The following DMD variants were observed in gnomAD, a reference collection of about 807,000 sequenced individuals.
DMD encodes the protein dystrophin, also known as mutant dystrophin.
DMD carries 63 observed loss-of-function variants against 330.1 expected under a neutral mutation model. That is an observed-to-expected ratio of 0.19 (90% CI 0.16 to 0.24). The LOEUF (loss-of-function observed/expected upper bound fraction) is 0.24, where lower values mean the gene tolerates loss of function less well. Among genes scored for constraint, DMD ranks in the 10% least tolerant of loss-of-function variants. The probability of loss-of-function intolerance (pLI) is 1.00; values close to 1 mark genes in which losing one functional copy is unlikely to be tolerated. For synonymous variants in DMD, 1,223 were observed against 959.8 expected (o/e 1.27, Z -5.07); for missense variants, 3,344 against 2,684.1 (o/e 1.25, Z -5.43).
At chrX:31,314,744 G>C (rs12556871) in intron 62 of DMD, among the ~76,000 whole-genome samples, 27 of 52,004 alleles carry the variant, frequency 5.2e-4, no homozygotes, top group East Asian at 1.7e-3. Context: ...TACATACACA[G>C]AGAGAGAGAG....
intron 29 of DMD, among the ~76,000 whole-genome samples, chrX:32,429,295 C>G (rs765364587): frequency 2.0e-5 from 2 of 97,783 alleles, no homozygotes; most frequent in Admixed American, 2.2e-4. Context: ...CTGCAACTTC[C>G]GTTCCCTGGG....
At chrX:32,979,947 C>A (rs1042167655) in intron 2 of DMD, among the ~76,000 whole-genome samples, 14 of 111,385 alleles carry the variant, frequency 1.3e-4, no homozygotes, top group Non-Finnish European at 2.5e-4. Context: ...AAAGAGATAG[C>A]TGTTAAAAGG....
At chrX:33,127,940 G>T in intron 1 of DMD, 2 of 801,882 alleles carry the variant, frequency 2.5e-6, no homozygotes, top group Non-Finnish European at 3.4e-6. Flanking sequence ...TAGGTTATTG[G>T]TGTCAAACCC....
intron 45 of DMD, among the ~76,000 whole-genome samples, chrX:31,963,751 T>G (rs2095327147): frequency 9.2e-6 from 1 of 109,019 alleles, no homozygotes; most frequent in East Asian, 2.9e-4. Flanking sequence ...AATAAAAATT[T>G]ATGAGTCCAT....
At chrX:33,125,288 G>T (rs775251703) in intron 1 of DMD, among the ~76,000 whole-genome samples, 14 of 110,945 alleles carry the variant, frequency 1.3e-4, no homozygotes, top group Admixed American at 1.3e-3. Flanking sequence ...TGTCATCAAA[G>T]CTCTGATTAT....
chrX:32,834,082 A>G (rs1054538786), intron 4 of DMD, among the ~76,000 whole-genome samples: 4 of 111,699 alleles, frequency 3.6e-5, no homozygotes, highest in Non-Finnish European at 7.6e-5. Flanking sequence ...AGAAGTGAAC[A>G]TTTACTATTA....
intron 44 of DMD, among the ~76,000 whole-genome samples, chrX:31,971,099 C>A (rs767105692): frequency 1.3e-4 from 15 of 111,842 alleles, no homozygotes; most frequent in Non-Finnish European, 5.7e-5. Context: ...TCCGTGGAGG[C>A]ACCAAAATTC....
At chrX:31,609,307 A>C (rs888111222) in intron 55 of DMD, among the ~76,000 whole-genome samples, 1 of 111,910 alleles carries the variant, frequency 8.9e-6, no homozygotes, top group South Asian at 3.7e-4. Context: ...ACTTACTTGA[A>C]GAGCATATAC....
chrX:31,469,537 T>G (rs770123721), intron 59 of DMD, among the ~76,000 whole-genome samples: 73 of 112,351 alleles, frequency 6.5e-4, no homozygotes, highest in Non-Finnish European at 1.1e-3. Flanking sequence ...TGCCAAATGA[T>G]CCGCTGTTAG....
At chrX:31,268,319 A>G (rs925257570) in intron 62 of DMD, among the ~76,000 whole-genome samples, 8 of 113,012 alleles carry the variant, frequency 7.1e-5, no homozygotes, top group South Asian at 3.6e-4. Flanking sequence ...TCTGGACAAA[A>G]GCAAAAGGGA....
intron 44 of DMD, among the ~76,000 whole-genome samples, chrX:32,207,669 G>A (rs191233374): frequency 8.9e-6 from 1 of 112,008 alleles, no homozygotes; most frequent in East Asian, 2.8e-4. Context: ...TTGAAGGATA[G>A]CACTGGTTAT....
chrX:32,472,048 G>A (rs2040691069), intron 22 of DMD, 116 bp downstream of exon 22: 1 of 935,335 alleles, frequency 1.1e-6, no homozygotes, highest in African/African-American at 2.0e-5. Flanking sequence ...TTTGCTCAAT[G>A]GGCAAACTAC....
intron 43 of DMD, among the ~76,000 whole-genome samples, chrX:32,283,949 T>C (rs2148435442): frequency 9.0e-6 from 1 of 111,387 alleles, no homozygotes; most frequent in South Asian, 3.8e-4. Flanking sequence ...GAATAAATAA[T>C]TTAGATACTT....
At chrX:32,632,754 G>A (rs2058826058) in intron 11 of DMD, among the ~76,000 whole-genome samples, 1 of 111,312 alleles carries the variant, frequency 9.0e-6, no homozygotes, top group Admixed American at 9.4e-5. Flanking sequence ...GTTGGGGCGG[G>A]GGCACAGTGT....
At chrX:32,582,864 C>T (rs778613754) in intron 13 of DMD, among the ~76,000 whole-genome samples, 1 of 111,205 alleles carries the variant, frequency 9.0e-6, no homozygotes, top group Non-Finnish European at 1.9e-5. Flanking sequence ...CTTCTACAAT[C>T]CGGGAATATC....
intron 7 of DMD, among the ~76,000 whole-genome samples, chrX:32,755,334 C>A (rs190935497): frequency 9.1e-6 from 1 of 110,147 alleles, no homozygotes; most frequent in African/African-American, 3.3e-5. Flanking sequence ...ACACAAAAAA[C>A]GGAACATGAC....
intron 53 of DMD, among the ~76,000 whole-genome samples, chrX:31,664,297 C>T (rs768837984): frequency 9.0e-6 from 1 of 111,484 alleles, no homozygotes; most frequent in African/African-American, 3.3e-5. Flanking sequence ...CCACCCCACC[C>T]AAGCTGAAAA....
At chrX:31,893,761 G>A (rs2094292333) in intron 47 of DMD, among the ~76,000 whole-genome samples, 1 of 110,803 alleles carries the variant, frequency 9.0e-6, no homozygotes, top group Non-Finnish European at 1.9e-5. Context: ...CAGGGGAAGG[G>A]ACAGTAACTA....
At chrX:32,291,227 A>G (rs1211332296) in intron 42 of DMD, among the ~76,000 whole-genome samples, 2 of 111,768 alleles carry the variant, frequency 1.8e-5, no homozygotes, top group Non-Finnish European at 3.8e-5. Flanking sequence ...TAAGATTTCA[A>G]ATATATTTGA....
Sources: allele counts gnomAD v4.1 joint callset (sites outside exome capture counted in the v4.1 genomes callset), GRCh38; gene constraint gnomAD v4.1.1; transcripts MANE v1.5; gene names NCBI Gene and HGNC (gene_info 2026-07-23, HGNC 2026-07-21).